Variants in SAMD12 observed in about 807,000 individuals in gnomAD.
SAMD12 encodes sterile alpha motif domain containing 12, also known as sterile alpha motif domain-containing protein 12.
In SAMD12, 9 loss-of-function variants were observed where a neutral mutation model predicts 15.0. That is an observed-to-expected ratio of 0.60 (90% CI 0.36 to 1.05). SAMD12 has a LOEUF of 1.05. SAMD12 is among the 50% of genes least tolerant of loss of function. SAMD12 has a pLI of 0.01. For missense variants in SAMD12, 230 were observed against 234.2 expected, an observed-to-expected ratio of 0.98 and a Z score of 0.12; for synonymous variants, 86 against 90.1, an observed-to-expected ratio of 0.96 and a Z score of 0.25.
intron 2 of SAMD12, among the ~76,000 whole-genome samples, chr8:118,536,927 C>G (rs1825861407): frequency 6.6e-6 from 1 of 152,146 alleles, no homozygotes; most frequent in Admixed American, 6.5e-5. Context: ...ATTAAAGATT[C>G]AAGAACTTCC....
At chr8:118,185,993 C>CA (rs1490803223), downstream of SAMD12, among the ~76,000 whole-genome samples, 1 of 152,038 alleles carries the variant, frequency 6.6e-6, no homozygotes, top group African/African-American at 2.4e-5. Context: ...ACAGTATTTC[C>CA]AAAAGTGTTT....
At chr8:118,191,809 TATAG>T (rs1819406293) in exon 5 of SAMD12, 2 of 11,916 alleles carry the variant, frequency 1.7e-4, no homozygotes, top group African/African-American at 4.5e-4. Context: ...TATATATATA[TATAG>T]AGAGAGAGAG....
intron 4 of SAMD12, among the ~76,000 whole-genome samples, chr8:118,298,031 T>A (rs1814809739): frequency 6.6e-6 from 1 of 151,940 alleles, no homozygotes; most frequent in Admixed American, 6.6e-5. Context: ...ATGCTCCCAT[T>A]GGCCCTCAGC....
intron 4 of SAMD12, among the ~76,000 whole-genome samples, chr8:118,260,476 A>C (rs1813051481): frequency 6.6e-6 from 1 of 152,090 alleles, no homozygotes; most frequent in African/African-American, 2.4e-5. Flanking sequence ...CTACCATTGC[A>C]CCAAGTATAG....
intron 4 of SAMD12, among the ~76,000 whole-genome samples, chr8:118,353,751 A>G (rs1818080880): frequency 6.6e-6 from 1 of 151,536 alleles, no homozygotes; most frequent in African/African-American, 2.4e-5. Flanking sequence ...TTGTCTCTTC[A>G]GTCCAGCTCT....
chr8:118,497,737 G>C (rs1464408679), intron 2 of SAMD12, among the ~76,000 whole-genome samples: 1 of 102,172 alleles, frequency 9.8e-6, no homozygotes, highest in Non-Finnish European at 1.9e-5. Flanking sequence ...GGGGGGTGGG[G>C]GGAAAGAAAA....
At chr8:118,195,813 AAAGG>A (rs999959925) in exon 5 of SAMD12, 48 of 152,584 alleles carry the variant, frequency 3.1e-4, no homozygotes, top group African/African-American at 1.1e-3. Flanking sequence ...CTTGCTGAAT[AAAGG>A]AAGGAATGAA....
chr8:118,369,408 C>T (rs1428695743), intron 4 of SAMD12, among the ~76,000 whole-genome samples: 1 of 152,054 alleles, frequency 6.6e-6, no homozygotes, highest in African/African-American at 2.4e-5. Context: ...AAAATTAACT[C>T]AGGATGGATT....
chr8:118,598,551 G>A (rs1478169263), intron 1 of SAMD12, among the ~76,000 whole-genome samples: 3 of 152,192 alleles, frequency 2.0e-5, no homozygotes, highest in Non-Finnish European at 4.4e-5. Flanking sequence ...AGCTCTAGCA[G>A]ACTAACACAA....
At chr8:118,403,361 A>ATT (rs1032731229) in intron 3 of SAMD12, among the ~76,000 whole-genome samples, 1 of 149,564 alleles carries the variant, frequency 6.7e-6, no homozygotes, top group African/African-American at 2.5e-5. Flanking sequence ...TGTGTGGTGT[A>ATT]TTTTTTTTTT....
the SAMD12 span, among the ~76,000 whole-genome samples, chr8:118,141,123 A>C: frequency 6.6e-6 from 1 of 152,224 alleles, no homozygotes; most frequent in African/African-American, 2.4e-5. Context: ...AGGAACTGGC[A>C]AAAAGATAAG....
At chr8:118,174,193 A>T in the SAMD12 span, among the ~76,000 whole-genome samples, 1 of 152,178 alleles carries the variant, frequency 6.6e-6, no homozygotes, top group Non-Finnish European at 1.5e-5. Context: ...TCAATGGGGC[A>T]ATGTTTGCCA....
chr8:118,217,581 T>C (rs1338772105), intron 4 of SAMD12, among the ~76,000 whole-genome samples: 3 of 152,170 alleles, frequency 2.0e-5, no homozygotes, highest in Non-Finnish European at 2.9e-5. Flanking sequence ...GTTAACTAGA[T>C]TTTATAAAGG....
chr8:118,516,572 G>C (rs1282226525), intron 2 of SAMD12, among the ~76,000 whole-genome samples: 2 of 151,200 alleles, frequency 1.3e-5, no homozygotes, highest in Admixed American at 1.3e-4. Context: ...ATCTTTTCCT[G>C]TTGACTCCAC....
intron 4 of SAMD12, among the ~76,000 whole-genome samples, chr8:118,341,438 C>T (rs1483347083): frequency 6.6e-6 from 1 of 152,224 alleles, no homozygotes; most frequent in Non-Finnish European, 1.5e-5. Flanking sequence ...AAGAGACCAC[C>T]TCTGTGCACC....
intron 2 of SAMD12, among the ~76,000 whole-genome samples, chr8:118,534,843 C>G (rs1238932979): frequency 6.6e-6 from 1 of 152,138 alleles, no homozygotes; most frequent in Non-Finnish European, 1.5e-5. Context: ...AGCCATTCAT[C>G]CAATGTTTTT....
At chr8:118,495,079 G>A (rs1226457296) in intron 2 of SAMD12, among the ~76,000 whole-genome samples, 1 of 152,184 alleles carries the variant, frequency 6.6e-6, no homozygotes, top group African/African-American at 2.4e-5. Flanking sequence ...TGACACAAGT[G>A]TGTGACATAC....
intron 3 of SAMD12, among the ~76,000 whole-genome samples, chr8:118,422,873 G>A (rs1822059770): frequency 6.6e-6 from 1 of 152,168 alleles, no homozygotes; most frequent in Non-Finnish European, 1.5e-5. Context: ...AGGAGAAACA[G>A]ATGAAAAGAA....
intron 4 of SAMD12, among the ~76,000 whole-genome samples, chr8:118,263,806 T>G (rs1319584644): frequency 6.6e-6 from 1 of 152,062 alleles, no homozygotes. Context: ...GGACAGCAAT[T>G]GGCCCTGTGG....
Sources: gnomAD v4.1 joint callset for allele counts (sites outside exome capture counted in the v4.1 genomes callset) on GRCh38, gnomAD v4.1.1 for gene constraint, MANE v1.5 for transcripts, NCBI Gene and HGNC (gene_info 2026-07-23, HGNC 2026-07-21) for gene names.